THSD7A: variants seen among roughly 807,000 people sequenced by gnomAD.
The protein encoded by THSD7A is thrombospondin type-1 domain-containing protein 7A.
In THSD7A, 96 loss-of-function variants were observed where a neutral mutation model predicts 231.3. The ratio of observed to expected loss-of-function variants is 0.41; its 90% confidence interval spans 0.35 to 0.49. The LOEUF is 0.49. Ranked by LOEUF, THSD7A falls within the 20% of genes least tolerant of loss-of-function variation. THSD7A has a pLI of 0.05. For missense variants in THSD7A, 2,290 were observed against 2,070.2 expected, an observed-to-expected ratio of 1.11 and a Z score of -2.06; for synonymous variants, 940 against 743.3, an observed-to-expected ratio of 1.26 and a Z score of -4.30.
At chr7:11,565,476 A>G (rs1330211952) in intron 4 of THSD7A, among the ~76,000 whole-genome samples, 1 of 152,220 alleles carries the variant, frequency 6.6e-6, no homozygotes, top group East Asian at 1.9e-4. Flanking sequence ...GGCAAGGAAC[A>G]CAAGGTTACC....
rs556220262 is a variant in THSD7A at position 11,478,338 on chromosome 7, C to T, written c.2017+3450G>A. On this transcript the variant is annotated intron_variant, in intron 7 of 27. Coordinates refer to ENST00000423059, the MANE Select transcript of THSD7A (RefSeq NM_015204.3). ...TGACATCCAGTGTAGAGTCACTCTT[C>T]TATCCTCTCATACAACCCATGTGCC... is the stretch of plus-strand genomic sequence containing the variant. 1.2e-4 allele frequency among the ~76,000 whole-genome samples: 18 copies of T among 152,298 alleles called. No homozygotes were observed. In the East Asian group the frequency reaches 3.5e-3, roughly 29 times the overall value.
At chr7:11,561,660 T>A (rs1379829512) in intron 4 of THSD7A, among the ~76,000 whole-genome samples, 2 of 152,088 alleles carry the variant, frequency 1.3e-5, no homozygotes, top group Non-Finnish European at 2.9e-5. Flanking sequence ...TACTTGAGGC[T>A]AGGAGTTCAA....
At chr7:11,715,104 A>G (rs937060421) in intron 1 of THSD7A, among the ~76,000 whole-genome samples, 10 of 151,508 alleles carry the variant, frequency 6.6e-5, no homozygotes, top group Non-Finnish European at 1.5e-4. Flanking sequence ...CTCATTGTTC[A>G]AGAAACAAAC....
chr7:11,692,030 T>C (rs190210809), intron 1 of THSD7A, among the ~76,000 whole-genome samples: 81 of 151,644 alleles, frequency 5.3e-4, no homozygotes, highest in African/African-American at 1.9e-3. Context: ...GTGTGAGTTA[T>C]AAAGCCACAA....
chr7:11,483,795 AGC>A (rs1236615602), intron 6 of THSD7A, among the ~76,000 whole-genome samples: 1 of 152,158 alleles, frequency 6.6e-6, no homozygotes, highest in African/African-American at 2.4e-5. Flanking sequence ...TAAAGTCTAT[AGC>A]TAACAAACGT....
chr7:11,593,103 T>C (rs1780227993), intron 3 of THSD7A, 151 bp downstream of exon 3: 1 of 1,000,130 alleles, frequency 1.0e-6, no homozygotes, highest in Non-Finnish European at 1.4e-6. Flanking sequence ...GACACTTTTA[T>C]TCTGTAAAAA....
intron 2 of THSD7A, among the ~76,000 whole-genome samples, chr7:11,625,289 G>C (rs1038847533): frequency 6.6e-6 from 1 of 152,012 alleles, no homozygotes; most frequent in African/African-American, 2.4e-5. Context: ...TCAAAAACTT[G>C]CTTCATTTAT....
intron 13 of THSD7A, among the ~76,000 whole-genome samples, chr7:11,435,624 C>G (rs374857900): frequency 6.6e-6 from 1 of 152,020 alleles, no homozygotes; most frequent in Admixed American, 6.6e-5. Flanking sequence ...CCTGCCTCCA[C>G]TAAAGAGATT....
chr7:11,684,029 C>T (rs1779935042), intron 1 of THSD7A, among the ~76,000 whole-genome samples: 1 of 151,866 alleles, frequency 6.6e-6, no homozygotes, highest in Non-Finnish European at 1.5e-5. Context: ...CAAAAAATAT[C>T]CAGCACAATC....
At chr7:11,423,370 ATTTTT>A (rs757122867) in intron 16 of THSD7A, among the ~76,000 whole-genome samples, 1 of 136,208 alleles carries the variant, frequency 7.3e-6, no homozygotes, top group East Asian at 2.1e-4. Flanking sequence ...CGAGTGCTGG[ATTTTT>A]TTTTTTTTTT....
At chr7:11,718,609 T>C (rs1355818700) in intron 1 of THSD7A, among the ~76,000 whole-genome samples, 3 of 151,718 alleles carry the variant, frequency 2.0e-5, no homozygotes, top group Admixed American at 6.6e-5. Flanking sequence ...AATCTCTGAC[T>C]AAATTGCTTT....
At chr7:11,385,662 T>A (rs139966985) in intron 23 of THSD7A, 7 of 152,138 alleles carry the variant, frequency 4.6e-5, no homozygotes, top group African/African-American at 1.7e-4. Context: ...TTATTAAATA[T>A]TAATTTGGTT....
chr7:11,641,826 C>T (rs956567908), intron 1 of THSD7A, among the ~76,000 whole-genome samples: 2 of 151,952 alleles, frequency 1.3e-5, no homozygotes, highest in African/African-American at 4.8e-5. Context: ...CTGCCCTTAT[C>T]TTTTCATTGC....
intron 1 of THSD7A, among the ~76,000 whole-genome samples, chr7:11,693,855 T>C (rs1358166): frequency 0.29 from 43,721 of 151,348 alleles, 6,760 homozygotes; most frequent in African/African-American, 0.38. Flanking sequence ...AATAAGGTTT[T>C]ATAATATATG....
intron 1 of THSD7A, among the ~76,000 whole-genome samples, chr7:11,699,311 G>A (rs1400446209): frequency 6.6e-6 from 1 of 151,178 alleles, no homozygotes; most frequent in African/African-American, 2.4e-5. Context: ...AGACCCTATT[G>A]TCCTAGAATT....
chr7:11,480,410 G>A (rs1192564713), intron 7 of THSD7A, among the ~76,000 whole-genome samples: 1 of 152,136 alleles, frequency 6.6e-6, no homozygotes, highest in Non-Finnish European at 1.5e-5. Context: ...TTTACAGGAA[G>A]CAGGGTGACC....
At chr7:11,751,816 T>C (rs1319300834) in intron 1 of THSD7A, among the ~76,000 whole-genome samples, 1 of 152,010 alleles carries the variant, frequency 6.6e-6, no homozygotes, top group Non-Finnish European at 1.5e-5. Context: ...CAACCCCTGG[T>C]ATTATATGAA....
rs1203028116 is a variant in THSD7A at position 11,832,080 on chromosome 7, G to A, written c.-134C>T. On this transcript the variant is annotated 5_prime_UTR_variant, in exon 1 of 28. Transcript: ENST00000423059. ...GCTATTGTTCGCTTCAGATGAGAAG[G>A]AGGGAGAGCGCGTCTAACACCAGGG... The A allele has an allele frequency of 5.2e-6, 3 of 574,030 alleles. No homozygotes were observed. Among genetic ancestry groups the A allele is most frequent in the Non-Finnish European group, 7.5e-6 (3 of 400,006 alleles). 35.6% of individuals were successfully genotyped at this position (574,030 alleles called of 1,614,324 possible).
chr7:11,609,053 G>A lies in THSD7A; in HGVS notation c.1023-15551C>T, dbSNP rs116283220. 2.1e-3 allele frequency among the ~76,000 whole-genome samples: 324 copies of A among 152,204 alleles called. 3 individuals carry two copies. Among genetic ancestry groups the A allele is most frequent in the African/African-American group, 7.2e-3 (298 of 41,532 alleles). Reference sequence around the variant, plus strand: ...CACAGGTTTATGAGGATAAACTGCCGTTGTTCTCTAATTTGCCCTTGAATA... The same window carrying A: ...CACAGGTTTATGAGGATAAACTGCCATTGTTCTCTAATTTGCCCTTGAATA... On this transcript the variant is annotated intron_variant, in intron 2 of 27. Transcript: ENST00000423059.
Sources: gnomAD v4.1 joint callset for allele counts (sites outside exome capture counted in the v4.1 genomes callset) on GRCh38, gnomAD v4.1.1 for gene constraint, MANE v1.5 for transcripts, NCBI Gene and HGNC (gene_info 2026-07-23, HGNC 2026-07-21) for gene names.